The following ECT2L variants were observed in gnomAD, a reference collection of about 807,000 sequenced individuals.
ECT2L encodes epithelial cell-transforming sequence 2 oncogene-like.
ECT2L carries 126 observed loss-of-function variants against 122.8 expected under a neutral mutation model. That is an observed-to-expected ratio of 1.03 (90% confidence interval 0.89 to 1.19). ECT2L has a LOEUF of 1.19. Among genes scored for constraint, ECT2L ranks in the 50% most tolerant of loss-of-function variants. The probability of loss-of-function intolerance (pLI) is 0.00; values close to 1 mark genes in which losing one functional copy is unlikely to be tolerated. For missense variants in ECT2L, 1,012 were observed against 1,064.1 expected (o/e 0.95, Z 0.68); for synonymous variants, 385 against 381.8 (o/e 1.01, Z -0.10).
At position 138,876,592 on chromosome 6, in the gene ECT2L, T is replaced by C; in HGVS notation, c.1665+34T>C. Reference sequence around the variant, plus strand: ...TTATATAATGTAACTTTACCATTGGTTTTGCTCCTGATAGTGAAATTTCAG... The same window carrying C: ...TTATATAATGTAACTTTACCATTGGCTTTGCTCCTGATAGTGAAATTTCAG... On this transcript the variant is annotated intron_variant, in intron 14 of 21. Transcript: ENST00000541398. The C allele has an allele frequency of 2.8e-6, 4 of 1,424,964 alleles. No individual in the cohort carries two copies. In the East Asian group the frequency reaches 9.7e-5, roughly 35 times the overall value. The allele number at this position is 1,424,964 out of a possible 1,614,324, so 88.3% of individuals were successfully genotyped here.
chr6:138,832,184 GTTTT>G (rs35891687), intron 4 of ECT2L, among the ~76,000 whole-genome samples: 2 of 144,616 alleles, frequency 1.4e-5, no homozygotes, highest in Non-Finnish European at 3.0e-5. Flanking sequence ...TCAAATGTCT[GTTTT>G]TTTTTTTTCC....
At chr6:138,863,433 T>C (rs996248577) in intron 11 of ECT2L, among the ~76,000 whole-genome samples, 1 of 152,204 alleles carries the variant, frequency 6.6e-6, no homozygotes, top group East Asian at 1.9e-4. Flanking sequence ...ATATTCTTTG[T>C]AGATATAACA....
Position 138,812,934 on chromosome 6 carries a change from G to A in ECT2L, c.-147G>A. 5.0e-6 allele frequency: 1 copy of A among 201,812 alleles called. No homozygotes were observed. Among genetic ancestry groups the A allele is most frequent in the African/African-American group, 2.3e-5 (1 of 43,532 alleles). The allele number at this position is 201,812 out of a possible 1,614,324, so 12.5% of individuals were successfully genotyped here. On this transcript the variant is annotated 5_prime_UTR_variant, in exon 2 of 22. Transcript: ENST00000541398. Reference sequence around the variant, plus strand: ...TAATGCTTCCCATTTTCCCAGCAAAGTAAAAAACAACTTTTGTTTAAATTC... The same window carrying A: ...TAATGCTTCCCATTTTCCCAGCAAAATAAAAAACAACTTTTGTTTAAATTC...
chr6:138,839,615 C>T (rs1019778202), intron 5 of ECT2L, among the ~76,000 whole-genome samples: 9 of 152,180 alleles, frequency 5.9e-5, no homozygotes, highest in African/African-American at 1.7e-4. Context: ...CCACCCACCT[C>T]GGCCTCCCAT....
rs1188491111 is a variant in ECT2L at position 138,885,499 on chromosome 6, C to A, written c.2029-7C>A. 1 of 1,613,750 alleles carries A rather than the reference C, an allele frequency of 6.2e-7. No individual in the cohort carries two copies. The highest frequency in any genetic ancestry group is 8.5e-7 in the Non-Finnish European group (1 of 1,179,802). On this transcript the variant is annotated splice_region_variant and splice_polypyrimidine_tract_variant and intron_variant, in intron 16 of 21. Transcript: ENST00000541398. The stretch of plus-strand genomic sequence containing the variant: ...AAAGTTTTGACAATATAATCCTCAC[C>A]TTTTAGTGCAGAGAAATGATACCAG...
intron 13 of ECT2L, among the ~76,000 whole-genome samples, chr6:138,871,505 G>A (rs533820986): frequency 3.9e-5 from 6 of 152,256 alleles, no homozygotes; most frequent in South Asian, 4.1e-4. Context: ...ACGGCCTGCC[G>A]TCATTAAGAC....
chr6:138,829,022 A>ATTTTT (rs61589748), intron 4 of ECT2L, among the ~76,000 whole-genome samples: 1 of 123,584 alleles, frequency 8.1e-6, no homozygotes. Context: ...TAAGTTTAAA[A>ATTTTT]TTTTTTTTTT....
chr6:138,837,302 T>G (rs1398821909), intron 4 of ECT2L, among the ~76,000 whole-genome samples: 1 of 152,124 alleles, frequency 6.6e-6, no homozygotes, highest in African/African-American at 2.4e-5. Flanking sequence ...CAACCCCCTG[T>G]AAACAACCAA....
At chr6:138,851,028 AAGAG>A (rs1777431062) in intron 9 of ECT2L, among the ~76,000 whole-genome samples, 2 of 150,140 alleles carry the variant, frequency 1.3e-5, no homozygotes, top group African/African-American at 4.9e-5. Flanking sequence ...AAAAAAGAGA[AAGAG>A]AGAAAGAAAA....
intron 4 of ECT2L, among the ~76,000 whole-genome samples, chr6:138,830,760 G>C (rs1776623867): frequency 6.6e-6 from 1 of 152,104 alleles, no homozygotes; most frequent in Non-Finnish European, 1.5e-5. Flanking sequence ...GTTGTTTAAT[G>C]ACAAATCCTC....
intron 4 of ECT2L, among the ~76,000 whole-genome samples, chr6:138,827,835 G>C (rs1204250554): frequency 1.3e-5 from 2 of 152,198 alleles, no homozygotes; most frequent in Admixed American, 1.3e-4. Context: ...TAGGATTACA[G>C]GCATAAGACA....
intron 1 of ECT2L, among the ~76,000 whole-genome samples, chr6:138,811,886 A>G (rs1775914300): frequency 6.6e-6 from 1 of 152,062 alleles, no homozygotes. Context: ...ACGGGGTTTC[A>G]TCATGTTGGC....
At chr6:138,834,929 A>ACT (rs1282784473) in intron 4 of ECT2L, among the ~76,000 whole-genome samples, 13 of 135,350 alleles carry the variant, frequency 9.6e-5, no homozygotes, top group South Asian at 8.0e-4. Flanking sequence ...ACACACACAC[A>ACT]CACACACTCT....
At chr6:138,829,022 A>T (rs72987051) in intron 4 of ECT2L, among the ~76,000 whole-genome samples, 67 of 123,596 alleles carry the variant, frequency 5.4e-4, no homozygotes, top group African/African-American at 1.7e-3. Flanking sequence ...TAAGTTTAAA[A>T]TTTTTTTTTT....
At chr6:138,851,384 A>T (rs570982400) in intron 9 of ECT2L, among the ~76,000 whole-genome samples, 1 of 151,420 alleles carries the variant, frequency 6.6e-6, no homozygotes, top group Non-Finnish European at 1.5e-5. Context: ...GGGTCCCACT[A>T]CATTGTCCAG....
intron 4 of ECT2L, among the ~76,000 whole-genome samples, chr6:138,819,246 A>AG (rs60079239): frequency 0.13 from 16,858 of 125,066 alleles, 1,389 homozygotes; most frequent in African/African-American, 0.28. Context: ...AAAAAAAAAA[A>AG]AAAAAGGAAA....
chr6:138,865,109 A>G lies in ECT2L; in HGVS notation c.1405A>G (p.Lys469Glu), dbSNP rs370668716. ...SFTDFLEETL[K>E]TVRKQLYPFF... ...CACAGACTTCCTAGAAGAAACCTTG[A>G]AAACAGTAAGGAAGCAGCTGTATCC... is the stretch of plus-strand genomic sequence containing the variant. Residue 469 changes from lysine (K) to glutamate (E), a missense_variant, in exon 12 of 22, where the codon AAA becomes GAA. Coordinates refer to ENST00000541398, the MANE Select transcript of ECT2L (RefSeq NM_001077706.3). 1.3e-5 allele frequency: 21 copies of G among 1,613,976 alleles called. No individual in the cohort carries two copies. The highest frequency in any genetic ancestry group is 1.8e-5 in the Non-Finnish European group (21 of 1,179,984).
intron 1 of ECT2L, among the ~76,000 whole-genome samples, chr6:138,805,049 G>A (rs1775670228): frequency 1.3e-5 from 2 of 152,172 alleles, no homozygotes; most frequent in Non-Finnish European, 2.9e-5. Flanking sequence ...AACACTACAG[G>A]GTAGAACTTT....
At chr6:138,862,578 C>T (rs1447579232) in intron 10 of ECT2L, 49 bp from the exon 11 acceptor site, 1 of 1,545,130 alleles carries the variant, frequency 6.5e-7, no homozygotes, top group Non-Finnish European at 8.9e-7. Context: ...TATGATCTTC[C>T]ATGGCAAAAT....
Sources: allele counts gnomAD v4.1 joint callset (sites outside exome capture counted in the v4.1 genomes callset), GRCh38; gene constraint gnomAD v4.1.1; transcripts MANE v1.5; gene names NCBI Gene and HGNC (gene_info 2026-07-23, HGNC 2026-07-21).